Variants in CADPS2 observed in about 807,000 individuals in gnomAD.
The protein encoded by CADPS2 is calcium dependent secretion activator 2.
A neutral mutation model predicts 172.5 loss-of-function variants in CADPS2; 93 were observed. That is an observed-to-expected ratio of 0.54 (90% CI 0.46 to 0.64). CADPS2 has a LOEUF of 0.64. Among genes scored for constraint, CADPS2 ranks in the 30% least tolerant of loss-of-function variants. CADPS2 has a pLI of 0.00. For synonymous variants in CADPS2, 546 were observed against 555.2 expected (o/e 0.98, Z 0.23); for missense variants, 1,420 against 1,565.9 (o/e 0.91, Z 1.57).
intron 20 of CADPS2, among the ~76,000 whole-genome samples, chr7:122,406,798 G>T (rs1267437937): frequency 6.6e-6 from 1 of 152,108 alleles, no homozygotes; most frequent in Non-Finnish European, 1.5e-5. Context: ...TATTCAGTAG[G>T]GAATTAGTGA....
intron 24 of CADPS2, among the ~76,000 whole-genome samples, chr7:122,381,139 A>G (rs1563195286): frequency 6.6e-6 from 1 of 152,056 alleles, no homozygotes; most frequent in Non-Finnish European, 1.5e-5. Context: ...ACTTACAAAA[A>G]AGGCCCCCCA....
intron 25 of CADPS2, among the ~76,000 whole-genome samples, chr7:122,371,502 GA>G (rs1212148254): frequency 6.6e-6 from 1 of 150,792 alleles, no homozygotes; most frequent in Non-Finnish European, 1.5e-5. Context: ...TAACATGGGG[GA>G]AACCACCTCC....
rs183646609 is a variant in CADPS2, at chr7:122,559,396, G to A, written c.1336-4707C>T. Among the ~76,000 whole-genome samples the A allele has an allele frequency of 2.2e-4, 34 of 152,042 alleles. No individual in the cohort carries two copies. The East Asian group carries it at 2.3e-3, about 10-fold the overall frequency. ...GACTTAGCCTCAGTCCGTTTCCACC[G>A]CTCTCCACGAAAAGAACTTCAATCA... On this transcript the variant is annotated intron_variant, in intron 7 of 29. Coordinates refer to ENST00000449022, the MANE Select transcript of CADPS2 (RefSeq NM_017954.11).
intron 6 of CADPS2, among the ~76,000 whole-genome samples, chr7:122,590,057 A>G (rs1477002120): frequency 1.3e-5 from 2 of 151,852 alleles, no homozygotes; most frequent in East Asian, 3.9e-4. Flanking sequence ...CAGTGGTTCA[A>G]CGTGAATTCC....
chr7:122,804,195 G>C (rs1300308233), intron 1 of CADPS2, among the ~76,000 whole-genome samples: 1 of 152,098 alleles, frequency 6.6e-6, no homozygotes, highest in Admixed American at 6.5e-5. Context: ...CCGCATCAGT[G>C]CCAAGGCATT....
At chr7:122,464,701 C>T (rs2054905077) in intron 14 of CADPS2, among the ~76,000 whole-genome samples, 2 of 152,122 alleles carry the variant, frequency 1.3e-5, no homozygotes. Flanking sequence ...AACTGAGAGA[C>T]ATTTGATAAA....
At chr7:122,602,264 G>A (rs1395130491) in intron 6 of CADPS2, among the ~76,000 whole-genome samples, 1 of 151,748 alleles carries the variant, frequency 6.6e-6, no homozygotes, top group East Asian at 1.9e-4. Flanking sequence ...GGGAGGTGTA[G>A]GGCATACATT....
intron 6 of CADPS2, among the ~76,000 whole-genome samples, chr7:122,587,604 G>C (rs1052241137): frequency 6.6e-6 from 1 of 152,212 alleles, no homozygotes; most frequent in East Asian, 1.9e-4. Context: ...GCAACAGAAT[G>C]ATTTATATTC....
At chr7:122,758,728 T>C (rs1463021648) in intron 1 of CADPS2, among the ~76,000 whole-genome samples, 1 of 152,152 alleles carries the variant, frequency 6.6e-6, no homozygotes, top group Non-Finnish European at 1.5e-5. Flanking sequence ...GATGCTAAGC[T>C]ACCTTTCAGA....
chr7:122,669,325 T>C (rs1230972479), intron 2 of CADPS2, among the ~76,000 whole-genome samples: 1 of 149,228 alleles, frequency 6.7e-6, no homozygotes, highest in African/African-American at 2.5e-5. Context: ...AGTGAGATCC[T>C]GTCTAAAGAA....
chr7:122,410,601 T>C (rs1051163309), intron 19 of CADPS2, among the ~76,000 whole-genome samples: 1 of 152,088 alleles, frequency 6.6e-6, no homozygotes, highest in Non-Finnish European at 1.5e-5. Flanking sequence ...TTTATTTATC[T>C]GCAAATAGGC....
chr7:122,677,881 G>A (rs2082552021), intron 2 of CADPS2, among the ~76,000 whole-genome samples: 1 of 152,196 alleles, frequency 6.6e-6, no homozygotes. Context: ...GAATGCTCCT[G>A]TTCACCTGTT....
intron 17 of CADPS2, among the ~76,000 whole-genome samples, chr7:122,416,417 T>G (rs2047927381): frequency 1.3e-5 from 2 of 152,184 alleles, no homozygotes; most frequent in Non-Finnish European, 2.9e-5. Context: ...CATTAGATGC[T>G]CAACTTCTGC....
intron 2 of CADPS2, among the ~76,000 whole-genome samples, chr7:122,694,196 G>T (rs144911166): frequency 3.1e-4 from 47 of 152,266 alleles, no homozygotes; most frequent in African/African-American, 9.9e-4. Flanking sequence ...ATTGCTTCTA[G>T]GCTGAAGCTG....
chr7:122,822,185 C>T (rs1031931080), intron 1 of CADPS2, among the ~76,000 whole-genome samples: 4 of 151,232 alleles, frequency 2.6e-5, no homozygotes, highest in Non-Finnish European at 5.9e-5. Context: ...TGCTGAATCT[C>T]CTTAGGCACT....
intron 6 of CADPS2, among the ~76,000 whole-genome samples, chr7:122,591,619 G>T (rs987747946): frequency 2.6e-5 from 4 of 152,118 alleles, no homozygotes; most frequent in African/African-American, 9.7e-5. Context: ...AAACAGCATG[G>T]TGCTGGTACC....
chr7:122,561,307 C>A (rs1310017006), intron 7 of CADPS2, among the ~76,000 whole-genome samples: 1 of 150,810 alleles, frequency 6.6e-6, no homozygotes, highest in African/African-American at 2.4e-5. Flanking sequence ...GAGAACCACA[C>A]ACCACATCTC....
chr7:122,355,429 A>C (rs1470229017), intron 27 of CADPS2, among the ~76,000 whole-genome samples: 1 of 152,052 alleles, frequency 6.6e-6, no homozygotes, highest in Non-Finnish European at 1.5e-5. Flanking sequence ...AAAATACAAA[A>C]AATTAGCCAG....
intron 17 of CADPS2, among the ~76,000 whole-genome samples, chr7:122,432,656 A>AAAAG (rs2050111002): frequency 2.0e-5 from 3 of 150,754 alleles, no homozygotes; most frequent in Admixed American, 1.3e-4. Context: ...AAAAAAAAAA[A>AAAAG]AAAAAGAAAA....
Sources: allele counts gnomAD v4.1 joint callset (sites outside exome capture counted in the v4.1 genomes callset), GRCh38; gene constraint gnomAD v4.1.1; transcripts MANE v1.5; gene names NCBI Gene and HGNC (gene_info 2026-07-23, HGNC 2026-07-21).